WDR17: variants seen among roughly 807,000 people sequenced by gnomAD.
WDR17 encodes the protein WD repeat domain 17.
A neutral mutation model predicts 161.7 loss-of-function variants in WDR17; 143 were observed. That is an observed-to-expected ratio of 0.88 (90% CI 0.77 to 1.02). The LOEUF is 1.02. Among genes scored for constraint, WDR17 ranks in the 50% least tolerant of loss-of-function variants. The pLI, the probability that WDR17 is intolerant of heterozygous loss-of-function variation, is 0.00. For synonymous variants in WDR17, 517 were observed against 515.6 expected (o/e 1.00, Z -0.04); for missense variants, 1,469 against 1,520.9 (o/e 0.97, Z 0.57).
rs2126770451 is a variant in WDR17, at chr4:176,135,261, C to T, written c.1252C>T (p.Leu418Phe). The change falls in exon 8 of 29, where the codon CTT becomes TTT. Residue 418 changes from leucine to phenylalanine, a missense_variant. Physicochemically the swap from Leu to Phe is conservative, Grantham distance 22 (BLOSUM62 0). Coordinates refer to ENST00000508596, the MANE Select transcript of WDR17 (RefSeq NM_181265.4). Reference protein sequence around the residue: ...SPGNEGVIYSLSWAPGGLNCI... With the variant: ...SPGNEGVIYSFSWAPGGLNCI... ...GGGTAATGAAGGTGTTATTTATTCCCTTTCTTGGGCTCCAGGTAAGAGATA... is the reference window on the plus strand; with the variant it reads ...GGGTAATGAAGGTGTTATTTATTCCTTTTCTTGGGCTCCAGGTAAGAGATA... The T allele has an allele frequency of 6.2e-7, 1 of 1,611,884 alleles. No homozygotes were observed. Among genetic ancestry groups the T allele is most frequent in the Non-Finnish European group, 8.5e-7 (1 of 1,178,320 alleles).
At chr4:176,178,772 C>T (rs1369946188) in intron 28 of WDR17, among the ~76,000 whole-genome samples, 3 of 152,148 alleles carry the variant, frequency 2.0e-5, no homozygotes, top group Admixed American at 2.0e-4. Context: ...AAATCAGACC[C>T]CAAACTCAAC....
rs34628181 is a variant in WDR17 at position 176,182,405 on chromosome 4, G to GTATATATATATATATATATA, written c.*2832_*2851dup. On this transcript the variant is annotated 3_prime_UTR_variant, in exon 29 of 29. Coordinates refer to ENST00000508596, the MANE Select transcript of WDR17 (RefSeq NM_181265.4). This position sits in a 1 kb window ranked among gnomAD's most constrained non-coding sequence, Gnocchi z 4.2. ...AATATATATATGTGCGTGTGTGTGT[G>GTATATATATATATATATATA]TATATATATATATATATATATATAT... The GTATATATATATATATATATA allele has an allele frequency of 2.0e-5, 3 of 148,698 alleles. No homozygotes were observed. Among genetic ancestry groups the GTATATATATATATATATATA allele is most frequent in the African/African-American group, 7.4e-5 (3 of 40,504 alleles). 9.2% of individuals were successfully genotyped at this position (148,698 alleles called of 1,614,324 possible).
chr4:176,149,026 G>A (rs555602299), intron 13 of WDR17, among the ~76,000 whole-genome samples: 5 of 152,216 alleles, frequency 3.3e-5, no homozygotes, highest in South Asian at 2.1e-4. Flanking sequence ...AAGGCAATGC[G>A]GGACTGAGTG....
chr4:176,178,465 A>C (rs1332639002), intron 28 of WDR17, among the ~76,000 whole-genome samples: 1 of 152,056 alleles, frequency 6.6e-6, no homozygotes, highest in Non-Finnish European at 1.5e-5. Context: ...CCTTTTCTTA[A>C]GGTTTCTTTT....
At chr4:176,118,948 A>G (rs1741094560) in intron 3 of WDR17, among the ~76,000 whole-genome samples, 1 of 151,978 alleles carries the variant, frequency 6.6e-6, no homozygotes, top group African/African-American at 2.4e-5. Context: ...GCAACAGAGC[A>G]AGACTCCGTC....
intron 1 of WDR17, among the ~76,000 whole-genome samples, chr4:176,082,010 CTG>C (rs1376200269): frequency 6.6e-6 from 1 of 151,800 alleles, no homozygotes; most frequent in Non-Finnish European, 1.5e-5. Context: ...CATGTGTCTG[CTG>C]TGTGTCTAGC....
intron 1 of WDR17, among the ~76,000 whole-genome samples, chr4:176,109,714 T>A (rs1237642489): frequency 1.3e-5 from 2 of 152,230 alleles, no homozygotes; most frequent in Admixed American, 6.5e-5. Context: ...TACTAATTGC[T>A]GAGCATTAAA....
At chr4:176,164,173 TA>T (rs1385892823) in intron 22 of WDR17, among the ~76,000 whole-genome samples, 2 of 152,214 alleles carry the variant, frequency 1.3e-5, no homozygotes, top group Non-Finnish European at 2.9e-5. Flanking sequence ...AAGTACTTTA[TA>T]TGTAAAAATT....
chr4:176,112,065 T>C (rs899232899), intron 2 of WDR17, among the ~76,000 whole-genome samples: 5 of 152,174 alleles, frequency 3.3e-5, no homozygotes, highest in South Asian at 2.1e-4. Flanking sequence ...AGATATCCCT[T>C]ATCAGTTCAC....
intron 8 of WDR17, among the ~76,000 whole-genome samples, chr4:176,136,341 A>T (rs1329370235): frequency 1.3e-5 from 2 of 151,656 alleles, no homozygotes; most frequent in Non-Finnish European, 3.0e-5. Context: ...GAATTGGACC[A>T]GCCAGTGCAG....
chr4:176,152,067 T>C, intron 17 of WDR17, 100 bp downstream of exon 17: 1 of 1,261,366 alleles, frequency 7.9e-7, no homozygotes, highest in Non-Finnish European at 1.1e-6. Flanking sequence ...GCTCAGCACT[T>C]TGGAGGCCAA....
chr4:176,162,067 C>A lies in WDR17; in HGVS notation c.2751-8C>A, dbSNP rs768265063. The A allele has an allele frequency of 1.0e-5, 16 of 1,597,882 alleles. No individual in the cohort carries two copies. Among genetic ancestry groups the A allele is most frequent in the Admixed American group, 3.6e-5 (2 of 56,000 alleles). On this transcript the variant is annotated splice_polypyrimidine_tract_variant and splice_region_variant and intron_variant, in intron 20 of 28. Transcript: ENST00000508596. ...GTTTATATAGAATACACATTTTTTT[C>A]TTTCTAGACTCCTGCACAAAGTCAG...
intron 1 of WDR17, among the ~76,000 whole-genome samples, chr4:176,091,015 C>T (rs1158523258): frequency 2.6e-5 from 4 of 152,170 alleles, no homozygotes; most frequent in African/African-American, 9.7e-5. Context: ...TCCTTGCCCT[C>T]ATTCTGGTAA....
chr4:176,072,653 G>C, intron 1 of WDR17, among the ~76,000 whole-genome samples: 1 of 152,122 alleles, frequency 6.6e-6, no homozygotes, highest in East Asian at 1.9e-4. Flanking sequence ...GCATTTTCCA[G>C]ATGTTTTCCA....
At chr4:176,103,967 A>G (rs958435632) in intron 1 of WDR17, among the ~76,000 whole-genome samples, 1 of 152,208 alleles carries the variant, frequency 6.6e-6, no homozygotes, top group African/African-American at 2.4e-5. Flanking sequence ...ATGGAGACAC[A>G]TCATAATCAA....
intron 4 of WDR17, 82 bp from the exon 5 acceptor site, chr4:176,125,022 T>C (rs1742227417): frequency 2.0e-6 from 3 of 1,483,812 alleles, no homozygotes; most frequent in Non-Finnish European, 2.8e-6. Context: ...ATAGATATTG[T>C]ACAAGGAAAA....
chr4:176,147,541 C>A (rs1250182890), intron 12 of WDR17, among the ~76,000 whole-genome samples: 1 of 152,096 alleles, frequency 6.6e-6, no homozygotes, highest in Non-Finnish European at 1.5e-5. Flanking sequence ...GCATAAATAT[C>A]CAGTGACATT....
chr4:176,091,860 A>G (rs1202242928), intron 1 of WDR17, among the ~76,000 whole-genome samples: 2 of 152,152 alleles, frequency 1.3e-5, no homozygotes, highest in African/African-American at 4.8e-5. Context: ...ATAAATTAGA[A>G]AACCTAAAAG....
rs989132732 is a variant in WDR17, at chr4:176,122,013, A to G, written c.538+1916A>G. ...TTATTAGGGCTGATGTAAGAAGACTATCACAAACAGGACAGCTTAGAACAG... is the reference window on the plus strand; with the variant it reads ...TTATTAGGGCTGATGTAAGAAGACTGTCACAAACAGGACAGCTTAGAACAG... On this transcript the variant is annotated intron_variant, in intron 4 of 28. Coordinates refer to ENST00000508596, the MANE Select transcript of WDR17 (RefSeq NM_181265.4). 4.6e-5 allele frequency among the ~76,000 whole-genome samples: 7 copies of G among 152,328 alleles called. No homozygotes were observed. In the East Asian group the frequency reaches 7.7e-4, roughly 17 times the overall value.
Sources: allele counts gnomAD v4.1 joint callset (sites outside exome capture counted in the v4.1 genomes callset), GRCh38; gene constraint gnomAD v4.1.1; non-coding constraint Gnocchi (gnomAD v3.1); transcripts MANE v1.5; gene names NCBI Gene and HGNC (gene_info 2026-07-23, HGNC 2026-07-21).